RB1CC1: variants seen among roughly 807,000 people sequenced by gnomAD.
RB1CC1 encodes RB1-inducible coiled-coil protein 1.
RB1CC1 carries 46 observed loss-of-function variants against 177.5 expected under a neutral mutation model. The observed-to-expected ratio is 0.26, with a 90% CI of 0.20 to 0.33. The LOEUF (loss-of-function observed/expected upper bound fraction) is 0.33. Ranked by LOEUF, RB1CC1 falls within the 10% of genes least tolerant of loss-of-function variation. The pLI, the probability that RB1CC1 is intolerant of heterozygous loss-of-function variation, is 1.00. For synonymous variants in RB1CC1, 666 were observed against 613.6 expected, an observed-to-expected ratio of 1.09 and a Z score of -1.26; for missense variants, 1,703 against 1,816.3, an observed-to-expected ratio of 0.94 and a Z score of 1.13.
intron 1 of RB1CC1, among the ~76,000 whole-genome samples, chr8:52,706,775 C>CA (rs939768369): frequency 1.3e-5 from 2 of 151,288 alleles, no homozygotes; most frequent in Admixed American, 1.3e-4. Context: ...TCTCTCTCCT[C>CA]AGCCTCCAGA....
Position 52,630,503 on chromosome 8 carries a change from G to T in RB1CC1, c.4466C>A (p.Ser1489Tyr). 1.3e-6 allele frequency: 2 copies of T among 1,572,700 alleles called. No homozygotes were observed. Among genetic ancestry groups the T allele is most frequent in the Middle Eastern group, 1.7e-4 (1 of 5,854 alleles). ...AGCTATCTTTTCAGAATGCCTTGAAGATACTGAAGACATGCTCTGAGACAT... is the reference window on the plus strand; with the variant it reads ...AGCTATCTTTTCAGAATGCCTTGAATATACTGAAGACATGCTCTGAGACAT... Reference protein sequence around the residue: ...RLMSQSMSSVSSRHSEKIAIR... With the variant: ...RLMSQSMSSVYSRHSEKIAIR... The change falls in exon 21 of 24, where the codon TCT becomes TAT. Residue 1489 changes from serine (S) to tyrosine (Y), a missense_variant. This residue lies in a region of RB1CC1 where 1,169 missense variants were observed against 1,184.7 expected (regional missense o/e 0.99). Coordinates refer to ENST00000025008, the MANE Select transcript of RB1CC1 (RefSeq NM_014781.5).
At chr8:52,696,144 A>T (rs1185188285) in intron 1 of RB1CC1, among the ~76,000 whole-genome samples, 1 of 152,176 alleles carries the variant, frequency 6.6e-6, no homozygotes, top group East Asian at 1.9e-4. Context: ...TCCTGGGTTC[A>T]AGCGATTCTC....
At chr8:52,637,969 C>T (rs1849278999) in intron 18 of RB1CC1, among the ~76,000 whole-genome samples, 2 of 152,162 alleles carry the variant, frequency 1.3e-5, no homozygotes, top group African/African-American at 4.8e-5. Flanking sequence ...CTGCGCCTGG[C>T]CAATGCCTTT....
At chr8:52,649,541 C>T (rs1850380940) in intron 15 of RB1CC1, among the ~76,000 whole-genome samples, 1 of 152,148 alleles carries the variant, frequency 6.6e-6, no homozygotes, top group African/African-American at 2.4e-5. Context: ...TCAAAAAAAT[C>T]TCTTCTATCA....
Position 52,657,897 on chromosome 8 carries a change from A to C in RB1CC1, c.1932T>G (p.Ser644Arg). 1 of 1,613,376 alleles carries C rather than the reference A, an allele frequency of 6.2e-7. No homozygotes were observed. The highest frequency in any genetic ancestry group is 8.5e-7 in the Non-Finnish European group (1 of 1,179,606). ...DLLSEQKASVSQTSPQSASSP... is the reference protein window; with the variant it reads ...DLLSEQKASVRQTSPQSASSP... ...AAGAAGCAGACTGTGGGGATGTCTG[A>C]CTCACAGATGCCTGGAAAACAGAAA... Residue 644 changes from serine (S) to arginine (R), a missense_variant, in exon 15 of 24, where the codon AGT (serine) becomes AGG (arginine). Around this residue, in one of 6 missense-constraint regions of RB1CC1, gnomAD observed 1,169 missense variants for 1,184.7 expected, o/e 0.99. Transcript: ENST00000025008.
At chr8:52,634,859 T>C in intron 20 of RB1CC1, 62 bp downstream of exon 20, 3 of 1,360,082 alleles carry the variant, frequency 2.2e-6, no homozygotes, top group Non-Finnish European at 3.1e-6. Context: ...ATCTTCATAA[T>C]GAAATATAAT....
At chr8:52,673,760 C>T (rs1389718249) in intron 7 of RB1CC1, 85 bp downstream of exon 7, 2 of 1,246,904 alleles carry the variant, frequency 1.6e-6, no homozygotes, top group African/African-American at 1.5e-5. Flanking sequence ...AAGGTAATAC[C>T]CATTCTCTCA....
At chr8:52,683,746 A>C (rs1422853033) in intron 4 of RB1CC1, 27 bp from the exon 5 acceptor site, 1 of 1,559,712 alleles carries the variant, frequency 6.4e-7, no homozygotes, top group Non-Finnish European at 8.7e-7. Context: ...AGGAGAAATA[A>C]CCAAAATAAA....
intron 20 of RB1CC1, among the ~76,000 whole-genome samples, chr8:52,633,407 A>G (rs1209937480): frequency 6.6e-6 from 1 of 152,132 alleles, no homozygotes; most frequent in Non-Finnish European, 1.5e-5. Context: ...TCTATTGAGG[A>G]TAAATAAAGC....
chr8:52,637,753 C>A (rs779411866), intron 18 of RB1CC1, among the ~76,000 whole-genome samples: 2 of 152,030 alleles, frequency 1.3e-5, no homozygotes, highest in Non-Finnish European at 2.9e-5. Flanking sequence ...AATCTGCAAC[C>A]TCTGCCTCCC....
chr8:52,674,830 C>T (rs1198522581), intron 6 of RB1CC1, among the ~76,000 whole-genome samples: 1 of 151,288 alleles, frequency 6.6e-6, no homozygotes, highest in African/African-American at 2.4e-5. Flanking sequence ...GAACACTAGG[C>T]TTTTACAAAA....
chr8:52,661,045 C>T lies in RB1CC1; in HGVS notation c.1546-38G>A, dbSNP rs745441262. 17 of 1,611,222 alleles carry T rather than the reference C, an allele frequency of 1.1e-5. No homozygotes were observed. The African/African-American group carries it at 1.6e-4, about 15-fold the overall frequency. The stretch of plus-strand genomic sequence containing the variant: ...AGCTTATGTTAAACATAAACATACA[C>T]CAATTCGTTAAAGTTCATATACAGT... On this transcript the variant is annotated intron_variant, in intron 10 of 23. Coordinates refer to ENST00000025008, the MANE Select transcript of RB1CC1 (RefSeq NM_014781.5).
At chr8:52,678,522 G>C (rs752790295) in intron 5 of RB1CC1, among the ~76,000 whole-genome samples, 3 of 152,198 alleles carry the variant, frequency 2.0e-5, no homozygotes, top group Non-Finnish European at 4.4e-5. Flanking sequence ...AATGCATTTT[G>C]TGTGTATATC....
chr8:52,700,815 T>C (rs1855978772), intron 1 of RB1CC1, among the ~76,000 whole-genome samples: 1 of 152,198 alleles, frequency 6.6e-6, no homozygotes, highest in Admixed American at 6.5e-5. Context: ...TGCACCAACA[T>C]CTAACCAATA....
At chr8:52,675,712 TCCAAAAA>T (rs1161443525) in intron 6 of RB1CC1, among the ~76,000 whole-genome samples, 232 of 48,420 alleles carry the variant, frequency 4.8e-3, no homozygotes, top group Middle Eastern at 0.018. Flanking sequence ...CTACTAAAAA[TCCAAAAA>T]AAAAAAAAAA....
chr8:52,699,469 ATTC>A (rs1855789508), intron 1 of RB1CC1, among the ~76,000 whole-genome samples: 1 of 152,038 alleles, frequency 6.6e-6, no homozygotes, highest in Admixed American at 6.6e-5. Context: ...ATCATAGCTC[ATTC>A]TTCTATTGCC....
At chr8:52,705,794 T>C (rs1320659989) in intron 1 of RB1CC1, among the ~76,000 whole-genome samples, 3 of 152,120 alleles carry the variant, frequency 2.0e-5, no homozygotes, top group South Asian at 2.1e-4. Flanking sequence ...TATGATGGCA[T>C]CACTACACTC....
intron 15 of RB1CC1, among the ~76,000 whole-genome samples, chr8:52,646,345 G>A (rs1311956544): frequency 6.6e-6 from 1 of 152,064 alleles, no homozygotes; most frequent in Non-Finnish European, 1.5e-5. Flanking sequence ...GCCAAGCACA[G>A]TGGTGCATGC....
chr8:52,676,806 C>T (rs112613553), intron 5 of RB1CC1, among the ~76,000 whole-genome samples: 243 of 152,268 alleles, frequency 1.6e-3, no homozygotes, highest in Admixed American at 2.7e-3. Context: ...ATCCATAAGA[C>T]GCTACCTCTG....
Sources: gnomAD v4.1 joint callset for allele counts (sites outside exome capture counted in the v4.1 genomes callset) on GRCh38, gnomAD v4.1.1 for gene constraint, gnomAD v4.1.1 regional missense constraint, MANE v1.5 for transcripts, NCBI Gene and HGNC (gene_info 2026-07-23, HGNC 2026-07-21) for gene names.